The following MKNK1 variants were observed in gnomAD, a reference collection of about 807,000 sequenced individuals.
MKNK1 encodes the protein MAPK interacting serine/threonine kinase 1, also known as MAP kinase-interacting serine/threonine-protein kinase 1.
A neutral mutation model predicts 49.3 loss-of-function variants in MKNK1; 30 were observed. The ratio of observed to expected loss-of-function variants is 0.61; its 90% CI spans 0.46 to 0.83. MKNK1 has a LOEUF of 0.83. MKNK1 is among the 40% of genes least tolerant of loss of function. The pLI, the probability that MKNK1 is intolerant of heterozygous loss-of-function variation, is 0.00. For missense variants in MKNK1, 423 were observed against 524.7 expected (o/e 0.81, Z 1.89); for synonymous variants, 176 against 201.7 (o/e 0.87, Z 1.08).
chr1:46,567,987 T>G (rs1669375651), intron 8 of MKNK1, among the ~76,000 whole-genome samples: 1 of 152,102 alleles, frequency 6.6e-6, no homozygotes, highest in African/African-American at 2.4e-5. Flanking sequence ...CCAGGTGTGG[T>G]GGCACATGCC....
At chr1:46,582,727 TA>T (rs1360817726) in intron 3 of MKNK1, 1 of 375,594 alleles carries the variant, frequency 2.7e-6, no homozygotes, top group Non-Finnish European at 5.3e-6. Flanking sequence ...ACATCGTTTC[TA>T]CTGAACACAA....
rs1213940693 is a variant in MKNK1 at position 46,587,648 on chromosome 1, TC to T, written c.-2-4320del. Among the ~76,000 whole-genome samples the T allele has an allele frequency of 2.0e-5, 3 of 151,978 alleles. No homozygotes were observed. The South Asian group carries it at 6.2e-4, about 32-fold the overall frequency. ...GCCTGACCAACATGGAGAAACCTCG[TC>T]TCTACTAAAAGTACAAAATTAGCCA... On this transcript the variant is annotated intron_variant, in intron 2 of 12. Coordinates refer to ENST00000371945, the MANE Select transcript of MKNK1 (RefSeq NM_001135553.4).
chr1:46,576,670 A>G lies in MKNK1; in HGVS notation c.199-16T>C, dbSNP rs746911143. ...TCTCGATGATCTGTGGGAAGAATAA[A>G]ATCTGTCATGTACACCCACCTGACT... On this transcript the variant is annotated splice_polypyrimidine_tract_variant and intron_variant, in intron 4 of 12. Coordinates refer to ENST00000371945, the MANE Select transcript of MKNK1 (RefSeq NM_001135553.4). 2 of 1,612,732 alleles carry G rather than the reference A, an allele frequency of 1.2e-6. No individual in the cohort carries two copies. Among genetic ancestry groups the G allele is most frequent in the Non-Finnish European group, 1.7e-6 (2 of 1,178,758 alleles).
At chr1:46,583,206 A>G (rs1395188020) in intron 3 of MKNK1, 22 bp downstream of exon 3, 4 of 1,599,032 alleles carry the variant, frequency 2.5e-6, no homozygotes, top group South Asian at 2.2e-5. Context: ...AGGCCCAGAT[A>G]TAGGGAAGTT....
intron 2 of MKNK1, among the ~76,000 whole-genome samples, chr1:46,587,972 A>C (rs1672813008): frequency 6.6e-6 from 1 of 152,268 alleles, no homozygotes; most frequent in African/African-American, 2.4e-5. Context: ...TACAATTTTA[A>C]AAAGTGCCAA....
intron 4 of MKNK1, among the ~76,000 whole-genome samples, chr1:46,579,506 ATAG>A (rs1671446575): frequency 6.6e-6 from 1 of 152,222 alleles, no homozygotes; most frequent in African/African-American, 2.4e-5. Flanking sequence ...CTTCTAACAC[ATAG>A]TAGCATTCAC....
chr1:46,561,546 G>A lies in MKNK1; in HGVS notation c.901C>T (p.Leu301Phe), dbSNP rs1392299778. The A allele has an allele frequency of 6.2e-7, 1 of 1,614,108 alleles. No homozygotes were observed. The highest frequency in any genetic ancestry group is 8.5e-7 in the Non-Finnish European group (1 of 1,180,040). Reference protein sequence around the residue: ...SSEAKDLISKLLVRDAKQRLS... With the variant: ...SSEAKDLISKFLVRDAKQRLS... Reference sequence around the variant, plus strand: ...CTCTGCTTTGCATCTCGCACCAGGAGCTTGGAGATGAGGTCTTTGGCTTCA... The same window carrying A: ...CTCTGCTTTGCATCTCGCACCAGGAACTTGGAGATGAGGTCTTTGGCTTCA... The change falls in exon 11 of 13, where the codon CTC becomes TTC. Residue 301 changes from leucine (L) to phenylalanine (F), a missense_variant. Physicochemically the swap from Leu to Phe is conservative, Grantham distance 22. Transcript: ENST00000371945.
intron 7 of MKNK1, 92 bp from the exon 8 acceptor site, chr1:46,568,590 C>T (rs773561244): frequency 1.5e-5 from 19 of 1,241,964 alleles, no homozygotes; most frequent in African/African-American, 6.0e-5. Flanking sequence ...TGCTGTAGTT[C>T]GCAGATTAAT....
chr1:46,592,774 A>G (rs1673515287), intron 2 of MKNK1, among the ~76,000 whole-genome samples: 1 of 152,228 alleles, frequency 6.6e-6, no homozygotes, highest in Non-Finnish European at 1.5e-5. Flanking sequence ...AGGAAGGGAC[A>G]GTGTTTAATT....
intron 9 of MKNK1, chr1:46,563,074 T>G (rs1668330800): frequency 2.1e-6 from 1 of 468,684 alleles, no homozygotes. Flanking sequence ...CACCTTATCC[T>G]TCCAGTTCCT....
intron 4 of MKNK1, among the ~76,000 whole-genome samples, chr1:46,577,674 C>G (rs1671175142): frequency 6.6e-6 from 1 of 152,162 alleles, no homozygotes; most frequent in Non-Finnish European, 1.5e-5. Flanking sequence ...CTTTGTCTCT[C>G]CTGTGATACG....
Position 46,557,595 on chromosome 1 carries a change from T to C in MKNK1, c.*980A>G, listed in dbSNP as rs1179341086. 1 of 152,672 alleles carries C rather than the reference T, an allele frequency of 6.5e-6. No homozygotes were observed. The highest frequency in any genetic ancestry group is 1.5e-5 in the Non-Finnish European group (1 of 68,048). 9.5% of individuals were successfully genotyped at this position (152,672 alleles called of 1,614,324 possible). A position where few individuals can be genotyped will look rare whatever the true frequency, so the allele number is the denominator to read the frequency against. ...GCACTGCATTGCTCAAACAGGGAAG[T>C]GAGGCTTCACCCTAGTGTGGCTTCA... On this transcript the variant is annotated 3_prime_UTR_variant, in exon 13 of 13. Transcript: ENST00000371945.
At chr1:46,600,340 T>C (rs1674579407) in intron 1 of MKNK1, among the ~76,000 whole-genome samples, 1 of 152,238 alleles carries the variant, frequency 6.6e-6, no homozygotes, top group Non-Finnish European at 1.5e-5. Context: ...GTCTTGTACA[T>C]AGCAAGAGCT....
chr1:46,586,948 C>T (rs1423238646), intron 2 of MKNK1, among the ~76,000 whole-genome samples: 1 of 152,218 alleles, frequency 6.6e-6, no homozygotes, highest in Non-Finnish European at 1.5e-5. Context: ...GCTGGGACTA[C>T]AGGCACATGC....
chr1:46,599,044 C>T (rs1256695059), intron 1 of MKNK1, among the ~76,000 whole-genome samples: 1 of 152,206 alleles, frequency 6.6e-6, no homozygotes, highest in African/African-American at 2.4e-5. Flanking sequence ...GCCTGGCATA[C>T]AGTAGGCACC....
At chr1:46,578,688 G>A (rs1205618995) in intron 4 of MKNK1, among the ~76,000 whole-genome samples, 2 of 150,648 alleles carry the variant, frequency 1.3e-5, no homozygotes, top group Non-Finnish European at 2.9e-5. Flanking sequence ...CTGGGCTCAA[G>A]TGATCCTCCC....
At position 46,575,017 on chromosome 1, in the gene MKNK1, G is replaced by C. The variant is rs1475493197; in HGVS notation, c.282C>G (p.Asn94Lys). 4 of 1,608,862 alleles carry C rather than the reference G, an allele frequency of 2.5e-6. No homozygotes were observed. Among genetic ancestry groups the C allele is most frequent in the East Asian group, 2.2e-5 (1 of 44,828 alleles). Reference sequence around the variant, plus strand: ...CAAAGAACTCAATCAGCTCCAAAATGTTCCTTAAATAGGGAAAATAGGAGG... The same window carrying C: ...CAAAGAACTCAATCAGCTCCAAAATCTTCCTTAAATAGGGAAAATAGGAGG... The part of the protein sequence containing the change: ...ETLYQCQGNK[N>K]ILELIEFFED... Residue 94 changes from asparagine to lysine, a missense_variant, in exon 6 of 13, where the codon AAC (asparagine) becomes AAG (lysine). Transcript: ENST00000371945.
intron 6 of MKNK1, chr1:46,574,138 C>G (rs1670610569): frequency 6.6e-6 from 1 of 152,224 alleles, no homozygotes; most frequent in South Asian, 2.1e-4. Flanking sequence ...CTGTCCTAAG[C>G]ATTTCACATG....
chr1:46,568,397 C>T, intron 8 of MKNK1, 46 bp downstream of exon 8: 1 of 1,594,246 alleles, frequency 6.3e-7, no homozygotes, highest in South Asian at 1.1e-5. Flanking sequence ...AGGGTGGCTT[C>T]CTCGGTAAGT....
Sources: gnomAD v4.1 joint callset for allele counts (sites outside exome capture counted in the v4.1 genomes callset) on GRCh38, gnomAD v4.1.1 for gene constraint, MANE v1.5 for transcripts, NCBI Gene and HGNC (gene_info 2026-07-23, HGNC 2026-07-21) for gene names.